The following SYNPR variants were observed in gnomAD, a reference collection of about 807,000 sequenced individuals.
The protein encoded by SYNPR is synaptoporin.
Under a neutral mutation model 32.9 loss-of-function variants are expected in SYNPR, and 23 were observed. The ratio of observed to expected loss-of-function variants is 0.70; its 90% CI spans 0.50 to 0.99. SYNPR has a LOEUF of 0.99. SYNPR is among the 50% of genes least tolerant of loss of function. SYNPR has a pLI of 0.00. For missense variants in SYNPR, 318 were observed against 349.3 expected (o/e 0.91, Z 0.71); for synonymous variants, 146 against 135.9 (o/e 1.07, Z -0.52).
intron 2 of SYNPR, among the ~76,000 whole-genome samples, chr3:63,297,613 G>A (rs1041380936): frequency 9.2e-5 from 14 of 152,278 alleles, no homozygotes; most frequent in Middle Eastern, 3.4e-3. Flanking sequence ...TCAGAAAAGC[G>A]CATTGAGACA....
At chr3:63,295,610 C>T (rs557193728) in intron 2 of SYNPR, among the ~76,000 whole-genome samples, 1 of 152,306 alleles carries the variant, frequency 6.6e-6, no homozygotes, top group East Asian at 1.9e-4. Flanking sequence ...GTGGTGAATT[C>T]TGTCATGAGC....
intron 2 of SYNPR, among the ~76,000 whole-genome samples, chr3:63,381,420 A>G (rs2087967143): frequency 6.6e-6 from 1 of 152,232 alleles, no homozygotes; most frequent in Non-Finnish European, 1.5e-5. Flanking sequence ...AAACAAATGG[A>G]AGAACATTCC....
rs180842285 is a variant in SYNPR at position 63,302,348 on chromosome 3, T to C, written c.84+23606T>C. Among the ~76,000 whole-genome samples, 42 of 152,178 alleles carry C rather than the reference T, an allele frequency of 2.8e-4. No individual in the cohort carries two copies. The East Asian group carries it at 8.1e-3, about 29-fold the overall frequency. On this transcript the variant is annotated intron_variant, in intron 2 of 5. Coordinates refer to ENST00000478300, the MANE Select transcript of SYNPR (RefSeq NM_001130003.2). ...AAAACTAAACACTTTAGAGTTTTCC[T>C]TATGCCAGGTAATATGTGAAGGTCT...
chr3:63,507,217 T>G (rs1221321546), intron 3 of SYNPR, among the ~76,000 whole-genome samples: 1 of 145,298 alleles, frequency 6.9e-6, no homozygotes, highest in East Asian at 2.0e-4. Flanking sequence ...AAGCGGTGCA[T>G]AAAAAGTTTA....
chr3:63,550,335 G>T lies in SYNPR; in HGVS notation c.210-6208G>T, dbSNP rs577195780. 5.6e-4 allele frequency among the ~76,000 whole-genome samples: 85 copies of T among 151,230 alleles called. 1 individual carries two copies. The Middle Eastern group carries it at 0.01, about 19-fold the overall frequency. ...TCTTTTAAGCAACAGTTACATATAC[G>T]TGTGTGTATATATAGATACACAAAT... On this transcript the variant is annotated intron_variant, in intron 3 of 5. Transcript: ENST00000478300.
Position 63,609,238 on chromosome 3 carries a change from A to T in SYNPR, c.522A>T (p.Leu174=). 6.2e-7 allele frequency: 1 copy of T among 1,608,162 alleles called. No homozygotes were observed. Residue 174 remains leucine (L), a synonymous_variant, in exon 5 of 6, where the codon CTA becomes CTT. Coordinates refer to ENST00000478300, the MANE Select transcript of SYNPR (RefSeq NM_001130003.2). ...VATDPKEVLL[L]MSACKQPSNK... is the part of the protein sequence containing the mutation. ...CGGATCCCAAGGAAGTATTGCTACT[A>T]ATGTCAGCTTGCAAACAGCCATCCA...
intron 4 of SYNPR, among the ~76,000 whole-genome samples, chr3:63,576,666 C>CT (rs1391828086): frequency 6.6e-6 from 1 of 151,836 alleles, no homozygotes; most frequent in Non-Finnish European, 1.5e-5. Flanking sequence ...TAGCACGTGC[C>CT]TGTAGTCCCA....
rs374943345 is a variant in SYNPR, at chr3:63,338,492, G to A, written c.84+59750G>A. On this transcript the variant is annotated intron_variant, in intron 2 of 5. Transcript: ENST00000478300. ...AAGTCTCAAAGTGAGAAATCTGACTGCCTTTGGATTCAAATCCCTTCTGAG... is the reference window on the plus strand; with the variant it reads ...AAGTCTCAAAGTGAGAAATCTGACTACCTTTGGATTCAAATCCCTTCTGAG... Among the ~76,000 whole-genome samples, 7 of 152,298 alleles carry A rather than the reference G, an allele frequency of 4.6e-5. 1 individual carries two copies. Among genetic ancestry groups the A allele is most frequent in the African/African-American group, 1.7e-4 (7 of 41,570 alleles).
intron 2 of SYNPR, among the ~76,000 whole-genome samples, chr3:63,456,774 A>T (rs887071537): frequency 7.9e-5 from 12 of 151,918 alleles, no homozygotes; most frequent in African/African-American, 2.4e-4. Context: ...CGCTTGTCCC[A>T]TCCTGGTGAA....
intron 2 of SYNPR, among the ~76,000 whole-genome samples, chr3:63,422,531 A>G (rs1699817989): frequency 6.6e-6 from 1 of 152,244 alleles, no homozygotes. Context: ...AGCATTTCTT[A>G]AAATTCATCA....
intron 3 of SYNPR, among the ~76,000 whole-genome samples, chr3:63,537,253 A>G (rs1702225977): frequency 6.6e-6 from 1 of 152,200 alleles, no homozygotes; most frequent in South Asian, 2.1e-4. Flanking sequence ...ATAACTATGT[A>G]CACACTCTAC....
chr3:63,356,963 A>G (rs1328247360), intron 2 of SYNPR, among the ~76,000 whole-genome samples: 2 of 152,240 alleles, frequency 1.3e-5, no homozygotes, highest in African/African-American at 2.4e-5. Context: ...TTCTAGTTAT[A>G]TGAACTTGGG....
chr3:63,483,996 T>TA (rs1436195660), intron 3 of SYNPR, among the ~76,000 whole-genome samples: 1 of 152,162 alleles, frequency 6.6e-6, no homozygotes, highest in Non-Finnish European at 1.5e-5. Context: ...AATTAGTTTG[T>TA]AAATGATACA....
intron 3 of SYNPR, among the ~76,000 whole-genome samples, chr3:63,485,848 A>G (rs905565018): frequency 1.3e-5 from 2 of 152,226 alleles, no homozygotes; most frequent in Non-Finnish European, 2.9e-5. Context: ...GAACAACAGA[A>G]GATTTACAAT....
chr3:63,222,084 G>A, the SYNPR span, among the ~76,000 whole-genome samples: 11 of 130,630 alleles, frequency 8.4e-5, no homozygotes, highest in Non-Finnish European at 1.2e-4. Flanking sequence ...CAGGTTTAAC[G>A]GCAAGTGATG....
chr3:63,582,466 C>T (rs1559542576), intron 4 of SYNPR, among the ~76,000 whole-genome samples: 1 of 151,982 alleles, frequency 6.6e-6, no homozygotes, highest in Non-Finnish European at 1.5e-5. Flanking sequence ...TAATAATATG[C>T]AAATTTAGCT....
At chr3:63,409,703 G>A (rs940709852) in intron 2 of SYNPR, among the ~76,000 whole-genome samples, 1 of 152,148 alleles carries the variant, frequency 6.6e-6, no homozygotes, top group South Asian at 2.1e-4. Context: ...TGAGGTAGAT[G>A]TTATTATTGT....
At chr3:63,270,860 T>TTTCCTTCCTTCCTTCC (rs3082060) in intron 3 of SYNPR, among the ~76,000 whole-genome samples, 3 of 84,254 alleles carry the variant, frequency 3.6e-5, no homozygotes, top group African/African-American at 1.2e-4. Context: ...CTCTCCCTTC[T>TTTCCTTCCTTCCTTCC]TTCCTTCCTT....
At chr3:63,337,448 T>C (rs548716520) in intron 2 of SYNPR, among the ~76,000 whole-genome samples, 2 of 152,224 alleles carry the variant, frequency 1.3e-5, no homozygotes, top group Non-Finnish European at 2.9e-5. Flanking sequence ...CTCTAGAAGA[T>C]AGTTTCACAG....
Sources: allele counts gnomAD v4.1 joint callset (sites outside exome capture counted in the v4.1 genomes callset), GRCh38; gene constraint gnomAD v4.1.1; transcripts MANE v1.5; gene names NCBI Gene and HGNC (gene_info 2026-07-23, HGNC 2026-07-21).